The following MANBA variants were observed in gnomAD, a reference collection of about 807,000 sequenced individuals.
The protein encoded by MANBA is mannosidase beta, also known as beta-mannosidase.
Under a neutral mutation model 111.1 loss-of-function variants are expected in MANBA, and 83 were observed. The ratio of observed to expected loss-of-function variants is 0.75; its 90% CI spans 0.63 to 0.90. The LOEUF is 0.90. Ranked by LOEUF, MANBA falls within the 40% of genes least tolerant of loss-of-function variation. The probability of loss-of-function intolerance (pLI) is 0.00; values close to 1 mark genes in which losing one functional copy is unlikely to be tolerated. For synonymous variants in MANBA, 370 were observed against 378.7 expected (o/e 0.98, Z 0.27); for missense variants, 1,036 against 1,069.0 (o/e 0.97, Z 0.43).
At chr4:102,741,368 A>C (rs1358379395) in intron 1 of MANBA, among the ~76,000 whole-genome samples, 1 of 152,216 alleles carries the variant, frequency 6.6e-6, no homozygotes, top group Non-Finnish European at 1.5e-5. Flanking sequence ...ACAACTAAGG[A>C]AAACAGTATG....
intron 1 of MANBA, chr4:102,728,713 G>C (rs1722907238): frequency 8.8e-6 from 6 of 680,212 alleles, no homozygotes; most frequent in Non-Finnish European, 1.2e-5. Flanking sequence ...AGAGTCGCAG[G>C]AGGGGCAGGC....
intron 5 of MANBA, among the ~76,000 whole-genome samples, chr4:102,695,004 C>T (rs972749616): frequency 5.3e-5 from 8 of 152,094 alleles, no homozygotes; most frequent in Non-Finnish European, 1.2e-4. Flanking sequence ...CCAGAGATGA[C>T]TCAGTGAGTG....
intron 13 of MANBA, among the ~76,000 whole-genome samples, chr4:102,645,691 C>T (rs1730072655): frequency 6.6e-6 from 1 of 151,984 alleles, no homozygotes; most frequent in Non-Finnish European, 1.5e-5. Context: ...TCTCTTATCA[C>T]CTTATTTATT....
intron 5 of MANBA, among the ~76,000 whole-genome samples, chr4:102,712,033 T>C (rs963688990): frequency 6.6e-6 from 1 of 152,228 alleles, no homozygotes; most frequent in Non-Finnish European, 1.5e-5. Context: ...ACAACATGTA[T>C]GGTATATTTC....
chr4:102,730,255 G>A, intron 1 of MANBA: 1 of 563,242 alleles, frequency 1.8e-6, no homozygotes, highest in Non-Finnish European at 3.1e-6. Context: ...GGTCTTTTCA[G>A]TTAACTTTAC....
chr4:102,673,224 G>C (rs940684610), intron 8 of MANBA, among the ~76,000 whole-genome samples: 18 of 152,294 alleles, frequency 1.2e-4, no homozygotes, highest in African/African-American at 4.3e-4. Context: ...AGGTAAATAT[G>C]GGGTTGGCCC....
intron 5 of MANBA, among the ~76,000 whole-genome samples, chr4:102,706,397 T>C (rs1319067937): frequency 1.3e-5 from 2 of 152,086 alleles, no homozygotes; most frequent in African/African-American, 4.8e-5. Flanking sequence ...TTGCAAGCAC[T>C]CAAAATCAAA....
intron 13 of MANBA, among the ~76,000 whole-genome samples, chr4:102,647,291 C>A (rs913386940): frequency 6.7e-6 from 1 of 148,302 alleles, no homozygotes; most frequent in Admixed American, 6.8e-5. Flanking sequence ...ACAAGCCACA[C>A]GAGGACAAGT....
chr4:102,670,191 A>T (rs1731432789), intron 9 of MANBA, among the ~76,000 whole-genome samples: 1 of 151,134 alleles, frequency 6.6e-6, no homozygotes, highest in African/African-American at 2.5e-5. Context: ...CATAGCCCCA[A>T]AGCAGCCTGT....
chr4:102,671,311 G>T lies in MANBA; in HGVS notation c.1200C>A (p.Phe400Leu). 1 of 1,591,228 alleles carries T rather than the reference G, an allele frequency of 6.3e-7. No homozygotes were observed. Among genetic ancestry groups the T allele is most frequent in the South Asian group, 1.1e-5 (1 of 90,626 alleles). The change falls in exon 9 of 17, where the codon TTC (phenylalanine) becomes TTA (leucine). Residue 400 changes from phenylalanine (F) to leucine (L), a missense_variant. Coordinates refer to ENST00000647097, the MANE Select transcript of MANBA (RefSeq NM_005908.4). ...WGGGIYEQDE[F>L]YELCDELGIM... ...TTCCTAGTTCATCACAGAGTTCATAGAATTCATCCTGCTCATAAATTCCTC... is the reference window on the plus strand; with the variant it reads ...TTCCTAGTTCATCACAGAGTTCATATAATTCATCCTGCTCATAAATTCCTC...
At chr4:102,747,341 G>A (rs1723626542) in intron 1 of MANBA, among the ~76,000 whole-genome samples, 2 of 152,150 alleles carry the variant, frequency 1.3e-5, no homozygotes, top group Admixed American at 1.3e-4. Context: ...TAGAGGCTGG[G>A]AGGATAAGCC....
chr4:102,719,346 A>G (rs1722473761), intron 4 of MANBA, among the ~76,000 whole-genome samples: 1 of 152,188 alleles, frequency 6.6e-6, no homozygotes, highest in African/African-American at 2.4e-5. Flanking sequence ...GTCAGATGTT[A>G]TGGTTATCTT....
intron 4 of MANBA, among the ~76,000 whole-genome samples, chr4:102,715,737 GT>G (rs1358870320): frequency 6.6e-6 from 1 of 152,094 alleles, no homozygotes; most frequent in East Asian, 1.9e-4. Context: ...AAGCTGATAA[GT>G]TTTGGCATAA....
At chr4:102,696,016 C>G (rs962098301) in intron 5 of MANBA, among the ~76,000 whole-genome samples, 2 of 151,966 alleles carry the variant, frequency 1.3e-5, no homozygotes, top group Admixed American at 6.6e-5. Flanking sequence ...TCTCTTGAGC[C>G]CAGGTGTTTG....
intron 10 of MANBA, 162 bp downstream of exon 10, chr4:102,668,801 C>A: frequency 1.5e-6 from 1 of 645,234 alleles, no homozygotes; most frequent in Non-Finnish European, 2.9e-6. Context: ...GATGGTAAAG[C>A]CATGACACTG....
At chr4:102,751,786 G>T (rs1328400408) in intron 1 of MANBA, 2 of 520,740 alleles carry the variant, frequency 3.8e-6, no homozygotes, top group East Asian at 1.1e-4. Flanking sequence ...TCCTTGGAAA[G>T]AAAGTCAATA....
At chr4:102,722,179 A>C (rs72942733) in intron 4 of MANBA, among the ~76,000 whole-genome samples, 2,331 of 152,244 alleles carry the variant, frequency 0.015, 55 homozygotes, top group African/African-American at 0.053. Flanking sequence ...CAGTTTTGCA[A>C]GGTGAGAAAG....
At chr4:102,662,303 A>T (rs977174235) in intron 11 of MANBA, among the ~76,000 whole-genome samples, 1 of 152,100 alleles carries the variant, frequency 6.6e-6, no homozygotes, top group African/African-American at 2.4e-5. Context: ...GCACTTTCGG[A>T]GGCCGAGGTG....
chr4:102,708,296 C>A (rs1417550802), intron 5 of MANBA, among the ~76,000 whole-genome samples: 2 of 152,048 alleles, frequency 1.3e-5, no homozygotes, highest in African/African-American at 2.4e-5. Context: ...AAAATCATAT[C>A]AAGTATCTTT....
Sources: allele counts gnomAD v4.1 joint callset (sites outside exome capture counted in the v4.1 genomes callset), GRCh38; gene constraint gnomAD v4.1.1; transcripts MANE v1.5; gene names NCBI Gene and HGNC (gene_info 2026-07-23, HGNC 2026-07-21).